The following NAV2 variants were observed in gnomAD, a reference collection of about 807,000 sequenced individuals.
NAV2 encodes the protein helicase, APC down-regulated 1.
NAV2 carries 54 observed loss-of-function variants against 223.2 expected under a neutral mutation model. That is an observed-to-expected ratio of 0.24 (90% CI 0.19 to 0.30). The LOEUF (loss-of-function observed/expected upper bound fraction) is 0.30, where lower values mean the gene tolerates loss of function less well. NAV2 is among the 10% of genes least tolerant of loss of function. The pLI is 1.00. For synonymous variants in NAV2, 1,279 were observed against 1,239.3 expected (o/e 1.03, Z -0.67); for missense variants, 2,806 against 3,147.5 (o/e 0.89, Z 2.60).
chr11:19,451,402 A>AC (rs1840919903), intron 1 of NAV2, among the ~76,000 whole-genome samples: 2 of 152,116 alleles, frequency 1.3e-5, no homozygotes, highest in South Asian at 4.2e-4. Context: ...GTCCGTCTAT[A>AC]CCTCTCCCCA....
At chr11:19,607,560 T>C (rs368587854) in intron 1 of NAV2, among the ~76,000 whole-genome samples, 1 of 152,220 alleles carries the variant, frequency 6.6e-6, no homozygotes, top group African/African-American at 2.4e-5. Context: ...CAGCTGATTG[T>C]ACCCCTTGCC....
At chr11:20,103,196 G>A in intron 32 of NAV2, 59 bp from the exon 33 acceptor site, 1 of 1,541,022 alleles carries the variant, frequency 6.5e-7, no homozygotes, top group Non-Finnish European at 8.8e-7. Flanking sequence ...CCTGAGCGGT[G>A]TGTCTTCACT....
chr11:19,950,764 A>G (rs2047327757), intron 10 of NAV2, among the ~76,000 whole-genome samples: 1 of 152,256 alleles, frequency 6.6e-6, no homozygotes, highest in African/African-American at 2.4e-5. Context: ...TGGAGAAAGG[A>G]CATACAAATT....
intron 1 of NAV2, among the ~76,000 whole-genome samples, chr11:19,539,766 A>G (rs892681853): frequency 6.6e-6 from 1 of 152,192 alleles, no homozygotes; most frequent in African/African-American, 2.4e-5. Flanking sequence ...ATTTGATGCA[A>G]TCAGTCCTAC....
intron 1 of NAV2, among the ~76,000 whole-genome samples, chr11:19,397,215 C>T (rs934779741): frequency 6.6e-5 from 10 of 152,142 alleles, no homozygotes; most frequent in African/African-American, 2.4e-4. Context: ...AAGGATTAAA[C>T]TAGGGCTATG....
chr11:19,629,917 G>A (rs917784782), intron 1 of NAV2, among the ~76,000 whole-genome samples: 2 of 152,108 alleles, frequency 1.3e-5, no homozygotes, highest in Non-Finnish European at 2.9e-5. Context: ...AGTCCCAAAT[G>A]ACTCTCTCAC....
chr11:19,573,246 C>T (rs2045474095), intron 1 of NAV2, among the ~76,000 whole-genome samples: 1 of 152,304 alleles, frequency 6.6e-6, no homozygotes, highest in East Asian at 1.9e-4. Context: ...GCACCCTGTT[C>T]AGAATCTCAG....
chr11:19,385,523 C>T (rs1849001660), intron 1 of NAV2, among the ~76,000 whole-genome samples: 1 of 152,090 alleles, frequency 6.6e-6, no homozygotes. Context: ...CTGACAACTG[C>T]AAAAAATGTT....
intron 10 of NAV2, among the ~76,000 whole-genome samples, chr11:19,955,197 A>C (rs1488175058): frequency 6.6e-6 from 1 of 152,082 alleles, no homozygotes; most frequent in Non-Finnish European, 1.5e-5. Context: ...ATTTGAGCCT[A>C]GGAGTTCAAG....
intron 37 of NAV2, among the ~76,000 whole-genome samples, chr11:20,115,631 C>A (rs867812254): frequency 1.5e-3 from 71 of 47,854 alleles, no homozygotes; most frequent in African/African-American, 3.0e-3. Context: ...GACTCCGTCT[C>A]AAAAAAAAAA....
intron 1 of NAV2, among the ~76,000 whole-genome samples, chr11:19,735,871 T>A (rs963383223): frequency 6.6e-6 from 1 of 151,810 alleles, no homozygotes; most frequent in East Asian, 1.9e-4. Context: ...CAAATGGAGG[T>A]TGGGAGGCTG....
At chr11:19,516,974 C>T (rs1417436132) in intron 1 of NAV2, among the ~76,000 whole-genome samples, 1 of 151,652 alleles carries the variant, frequency 6.6e-6, no homozygotes, top group East Asian at 1.9e-4. Context: ...CTTTGGGAGG[C>T]TGAGGTGGGA....
intron 1 of NAV2, among the ~76,000 whole-genome samples, chr11:19,690,397 A>T (rs566235664): frequency 9.5e-4 from 144 of 152,314 alleles, no homozygotes; most frequent in African/African-American, 3.3e-3. Context: ...CCAATTGCCA[A>T]CTGTATGATC....
intron 1 of NAV2, among the ~76,000 whole-genome samples, chr11:19,371,512 TGC>T (rs1848468844): frequency 6.6e-6 from 1 of 152,246 alleles, no homozygotes; most frequent in African/African-American, 2.4e-5. Context: ...ACTTACTGAG[TGC>T]TTACCAGGGA....
chr11:19,834,843 A>G (rs574398587), intron 2 of NAV2, among the ~76,000 whole-genome samples: 1 of 152,304 alleles, frequency 6.6e-6, no homozygotes, highest in South Asian at 2.1e-4. Context: ...AAATGAGGAT[A>G]TTCATGCTTG....
chr11:19,878,868 G>C (rs746594533), intron 4 of NAV2, among the ~76,000 whole-genome samples: 1 of 152,198 alleles, frequency 6.6e-6, no homozygotes, highest in African/African-American at 2.4e-5. Context: ...ACCTGTAAGT[G>C]TGCATTACCT....
At chr11:19,807,822 C>T (rs1460323591) in intron 1 of NAV2, among the ~76,000 whole-genome samples, 3 of 152,230 alleles carry the variant, frequency 2.0e-5, no homozygotes, top group East Asian at 1.9e-4. Context: ...TTCTATCCTC[C>T]GTCTGATACA....
intron 3 of NAV2, among the ~76,000 whole-genome samples, chr11:19,860,363 C>T (rs1362183149): frequency 3.9e-3 from 570 of 145,028 alleles, no homozygotes; most frequent in African/African-American, 0.014. Context: ...ACGGGGCGGC[C>T]GGGCAGAGAC....
At chr11:19,676,050 C>T (rs149985729) in intron 1 of NAV2, among the ~76,000 whole-genome samples, 341 of 152,322 alleles carry the variant, frequency 2.2e-3, no homozygotes, top group Non-Finnish European at 4.1e-3. Flanking sequence ...GTGCCAAGTC[C>T]TGTGCCCCTT....
Sources: gnomAD v4.1 joint callset for allele counts (sites outside exome capture counted in the v4.1 genomes callset) on GRCh38, gnomAD v4.1.1 for gene constraint, MANE v1.5 for transcripts, NCBI Gene and HGNC (gene_info 2026-07-23, HGNC 2026-07-21) for gene names.